Variants in SYNE2 observed in about 807,000 individuals in gnomAD.
SYNE2 encodes the protein spectrin repeat containing nuclear envelope protein 2.
A neutral mutation model predicts 856.3 loss-of-function variants in SYNE2; 431 were observed. The ratio of observed to expected loss-of-function variants is 0.50; its 90% confidence interval spans 0.47 to 0.55. The LOEUF (loss-of-function observed/expected upper bound fraction) is 0.55. Ranked by LOEUF, SYNE2 falls within the 20% of genes least tolerant of loss-of-function variation. The pLI is 0.00. For missense variants in SYNE2, 8,129 were observed against 8,023.2 expected (o/e 1.01, Z -0.50); for synonymous variants, 2,923 against 2,872.3 (o/e 1.02, Z -0.56).
chr14:63,887,298 T>C (rs563321000), intron 1 of SYNE2, among the ~76,000 whole-genome samples: 1 of 152,232 alleles, frequency 6.6e-6, no homozygotes, highest in African/African-American at 2.4e-5. Context: ...AAATAGAATT[T>C]GTAAAGAAAC....
At chr14:64,120,851 T>C in intron 67 of SYNE2, 76 bp from the exon 68 acceptor site, 5 of 1,484,104 alleles carry the variant, frequency 3.4e-6, no homozygotes, top group Non-Finnish European at 4.7e-6. Context: ...TTCTATGTAG[T>C]CCCATTATTA....
At chr14:63,950,696 AC>A (rs1467281739) in intron 7 of SYNE2, among the ~76,000 whole-genome samples, 5 of 152,120 alleles carry the variant, frequency 3.3e-5, no homozygotes, top group African/African-American at 9.7e-5. Context: ...TCACTTTGTC[AC>A]CCAGGCTGGA....
Position 63,999,056 on chromosome 14 carries a change from A to G in SYNE2, c.3480+16A>G, listed in dbSNP as rs755254800. 6.2e-7 allele frequency: 1 copy of G among 1,612,114 alleles called. No individual in the cohort carries two copies. The highest frequency in any genetic ancestry group is 8.5e-7 in the Non-Finnish European group (1 of 1,178,404). ...AGATCTACAGGTAATTACCAAAAATATTATTTCTCTGATTATCTTGTTTAT... is the reference window on the plus strand; with the variant it reads ...AGATCTACAGGTAATTACCAAAAATGTTATTTCTCTGATTATCTTGTTTAT... On this transcript the variant is annotated intron_variant, in intron 27 of 115. Coordinates refer to ENST00000555002, the MANE Select transcript of SYNE2 (RefSeq NM_182914.3).
chr14:64,019,272 C>CA (rs5809210), intron 34 of SYNE2, among the ~76,000 whole-genome samples: 106,124 of 143,068 alleles, frequency 0.74, 39,893 homozygotes, highest in Non-Finnish European at 0.83. Flanking sequence ...GACTCCGTCT[C>CA]AAAAAAAAAA....
At chr14:64,191,493 C>T (rs2098518560) in intron 99 of SYNE2, among the ~76,000 whole-genome samples, 1 of 152,132 alleles carries the variant, frequency 6.6e-6, no homozygotes, top group South Asian at 2.1e-4. Context: ...GAGACACATA[C>T]ATTGAGAGCA....
chr14:64,197,845 A>C (rs1309010168), intron 99 of SYNE2, among the ~76,000 whole-genome samples: 1 of 152,230 alleles, frequency 6.6e-6, no homozygotes, highest in Non-Finnish European at 1.5e-5. Flanking sequence ...TCAATGTTAT[A>C]TTCTCATCCA....
intron 9 of SYNE2, among the ~76,000 whole-genome samples, chr14:63,962,618 T>A (rs1011589976): frequency 1.3e-5 from 2 of 152,124 alleles, no homozygotes; most frequent in Non-Finnish European, 2.9e-5. Flanking sequence ...CTTGAATTAC[T>A]ATTTTCTCTG....
intron 47 of SYNE2, among the ~76,000 whole-genome samples, chr14:64,050,460 C>T (rs539534184): frequency 1.1e-3 from 167 of 152,166 alleles, no homozygotes; most frequent in African/African-American, 3.7e-3. Context: ...TGAAACAATT[C>T]GCACTATAAA....
At chr14:63,872,522 G>A (rs1287249647) in intron 1 of SYNE2, among the ~76,000 whole-genome samples, 1 of 151,910 alleles carries the variant, frequency 6.6e-6, no homozygotes. Flanking sequence ...TTGGGAGGCC[G>A]AGGCGAGTGG....
intron 45 of SYNE2, among the ~76,000 whole-genome samples, chr14:64,037,836 C>CG (rs1271486592): frequency 6.9e-6 from 1 of 145,318 alleles, no homozygotes; most frequent in African/African-American, 2.6e-5. Flanking sequence ...GCTGGCTGGG[C>CG]GGGGGGCTGA....
intron 94 of SYNE2, among the ~76,000 whole-genome samples, chr14:64,172,794 G>A (rs2098417090): frequency 6.6e-6 from 1 of 152,184 alleles, no homozygotes; most frequent in Admixed American, 6.5e-5. Context: ...TTAGCCAGGT[G>A]TGGTGGTGCA....
intron 31 of SYNE2, 65 bp downstream of exon 31, chr14:64,007,287 A>G (rs143106799): frequency 1.9e-5 from 29 of 1,505,844 alleles, no homozygotes; most frequent in Admixed American, 5.0e-5. Flanking sequence ...AACTTTTTCA[A>G]ACTTCTGGGT....
intron 1 of SYNE2, among the ~76,000 whole-genome samples, chr14:63,835,169 A>G (rs1889806964): frequency 6.6e-6 from 1 of 152,230 alleles, no homozygotes. Context: ...TATCATGGAT[A>G]TGTAATTATT....
chr14:64,027,777 T>G lies in SYNE2; in HGVS notation c.6698T>G (p.Leu2233Arg), dbSNP rs915263037. The G allele has an allele frequency of 6.2e-7, 1 of 1,614,126 alleles. No homozygotes were observed. The highest frequency in any genetic ancestry group is 8.5e-7 in the Non-Finnish European group (1 of 1,179,976). The change falls in exon 43 of 116, where the codon CTT (leucine) becomes CGT (arginine). Residue 2233 changes from leucine (L) to arginine (R), a missense_variant. Physicochemically the swap from Leu to Arg is moderately radical, Grantham distance 102 (BLOSUM62 -2). Coordinates refer to ENST00000555002, the MANE Select transcript of SYNE2 (RefSeq NM_182914.3). ...GAAATAAAGCATCTACACGAAAGTCTTCTTCAACAACTGCAGGTGAGGTGG... is the reference window on the plus strand; with the variant it reads ...GAAATAAAGCATCTACACGAAAGTCGTCTTCAACAACTGCAGGTGAGGTGG... ...WLEIKHLHESLLQQLQDSVQN... is the reference protein window; with the variant it reads ...WLEIKHLHESRLQQLQDSVQN...
chr14:64,211,871 C>A, intron 103 of SYNE2, 90 bp from the exon 104 acceptor site: 3 of 1,589,112 alleles, frequency 1.9e-6, no homozygotes, highest in Non-Finnish European at 2.6e-6. Context: ...TTCTGGGTAC[C>A]CTTTTCTTGT....
intron 1 of SYNE2, among the ~76,000 whole-genome samples, chr14:63,826,265 T>G (rs1889425881): frequency 7.9e-6 from 1 of 126,606 alleles, no homozygotes; most frequent in East Asian, 2.1e-4. Flanking sequence ...CAATTGATTT[T>G]TGACAAGCAT....
At chr14:64,122,605 G>C in intron 70 of SYNE2, 178 bp downstream of exon 70, 1 of 766,338 alleles carries the variant, frequency 1.3e-6, no homozygotes, top group Non-Finnish European at 2.2e-6. Flanking sequence ...TTGTGCTTCT[G>C]TAGCACCCAG....
intron 1 of SYNE2, among the ~76,000 whole-genome samples, chr14:63,802,934 G>C (rs1212114891): frequency 1.3e-5 from 2 of 152,160 alleles, no homozygotes; most frequent in Non-Finnish European, 2.9e-5. Context: ...TAAAAGCAGC[G>C]TGAACCCAAA....
At chr14:63,811,265 AT>A (rs111386748) in intron 1 of SYNE2, among the ~76,000 whole-genome samples, 1 of 149,960 alleles carries the variant, frequency 6.7e-6, no homozygotes, top group Non-Finnish European at 1.5e-5. Context: ...TATTATTATT[AT>A]TTTTTTTGAT....
Sources: gnomAD v4.1 joint callset for allele counts (sites outside exome capture counted in the v4.1 genomes callset) on GRCh38, gnomAD v4.1.1 for gene constraint, MANE v1.5 for transcripts, NCBI Gene and HGNC (gene_info 2026-07-23, HGNC 2026-07-21) for gene names.